Variants in LAMA3 observed in about 807,000 individuals in gnomAD.
LAMA3 encodes the protein laminin subunit alpha-3.
In LAMA3, 281 loss-of-function variants were observed where a neutral mutation model predicts 402.0. The ratio of observed to expected loss-of-function variants is 0.70; its 90% CI spans 0.63 to 0.77. The LOEUF (loss-of-function observed/expected upper bound fraction) is 0.77, where lower values mean the gene tolerates loss of function less well. LAMA3 is among the 30% of genes least tolerant of loss of function. The pLI is 0.00. For missense variants in LAMA3, 3,840 were observed against 4,215.5 expected (o/e 0.91, Z 2.47); for synonymous variants, 1,431 against 1,558.4 (o/e 0.92, Z 1.93).
chr18:23,699,707 A>G (rs2060756442), intron 1 of LAMA3, among the ~76,000 whole-genome samples: 2 of 152,180 alleles, frequency 1.3e-5, no homozygotes, highest in Admixed American at 6.5e-5. Flanking sequence ...GATGACTTAC[A>G]TATCATTAAA....
intron 2 of LAMA3, among the ~76,000 whole-genome samples, chr18:23,737,965 G>GT (rs2061503027): frequency 6.6e-6 from 1 of 152,216 alleles, no homozygotes; most frequent in Non-Finnish European, 1.5e-5. Context: ...TCAGGCTTCA[G>GT]TTTGGGTCAC....
chr18:23,702,989 C>T (rs533133513), intron 1 of LAMA3, among the ~76,000 whole-genome samples: 4 of 152,284 alleles, frequency 2.6e-5, no homozygotes, highest in Admixed American at 6.5e-5. Flanking sequence ...CAAGGGGCCA[C>T]GTCTGGCACA....
chr18:23,694,516 A>T (rs1598590870), intron 1 of LAMA3, among the ~76,000 whole-genome samples: 1 of 152,214 alleles, frequency 6.6e-6, no homozygotes, highest in East Asian at 1.9e-4. Context: ...ACAATTTATG[A>T]ATGTATGAAG....
intron 8 of LAMA3, among the ~76,000 whole-genome samples, chr18:23,769,813 G>A (rs146920672): frequency 2.8e-4 from 43 of 152,206 alleles, no homozygotes; most frequent in Middle Eastern, 3.4e-3. Flanking sequence ...CAATTCAAAG[G>A]CAGAAGCAAT....
chr18:23,864,509 G>A (rs1344340986), intron 35 of LAMA3, among the ~76,000 whole-genome samples: 1 of 152,080 alleles, frequency 6.6e-6, no homozygotes, highest in East Asian at 1.9e-4. Flanking sequence ...TTATAGGCAT[G>A]AGCTACTACA....
At chr18:23,840,381 C>CTTTTTT (rs1303915333) in intron 27 of LAMA3, among the ~76,000 whole-genome samples, 1 of 28,300 alleles carries the variant, frequency 3.5e-5, no homozygotes, top group African/African-American at 1.1e-4. Flanking sequence ...ACCTTTCTTT[C>CTTTTTT]TTTTTTTTTT....
rs2062305508 is a variant in LAMA3, at chr18:23,775,841, C to T, written c.1323C>T (p.Gly441=). The change falls in exon 10 of 75, where the codon GGC becomes GGT. Residue 441 remains glycine (G), a synonymous_variant. Transcript: ENST00000313654. ...EHADGCEQGS[G]RCHCKPNFHG... is the part of the protein sequence containing the mutation. ...CGGATGGCTGTGAACAGGGTTCAGG[C>T]CGCTGTCACTGCAAGCCAAATTTCC... The T allele has an allele frequency of 3.1e-6, 5 of 1,613,858 alleles. No homozygotes were observed.
At chr18:23,712,571 G>T (rs567696422) in intron 1 of LAMA3, among the ~76,000 whole-genome samples, 1 of 150,756 alleles carries the variant, frequency 6.6e-6, no homozygotes, top group Non-Finnish European at 1.5e-5. Flanking sequence ...ACCTCAGGAA[G>T]TGGCGGGGCC....
At chr18:23,864,178 A>G (rs1156591714) in intron 35 of LAMA3, among the ~76,000 whole-genome samples, 1 of 152,044 alleles carries the variant, frequency 6.6e-6, no homozygotes, top group Non-Finnish European at 1.5e-5. Flanking sequence ...AGAAAAAAAA[A>G]GGAACACGAC....
In LAMA3 at chr18:23,817,170, A is replaced by C. The variant is rs575542014; in HGVS notation, c.2147+683A>C. Among the ~76,000 whole-genome samples, 21 of 152,234 alleles carry C rather than the reference A, an allele frequency of 1.4e-4. 1 individual carries two copies. The South Asian group carries it at 3.7e-3, about 27-fold the overall frequency. ...TGACAATGAACTATAGGAGCGAGGG[A>C]ATGAGGTGGAGATTGAGACTGGGGA... On this transcript the variant is annotated intron_variant, in intron 18 of 74. Transcript: ENST00000313654.
intron 2 of LAMA3, among the ~76,000 whole-genome samples, chr18:23,744,698 G>A (rs1197969338): frequency 1.3e-5 from 2 of 151,826 alleles, no homozygotes; most frequent in African/African-American, 2.4e-5. Flanking sequence ...CGGGCGTGGT[G>A]GCAGGTGCCT....
chr18:23,697,745 C>T (rs1160119940), intron 1 of LAMA3, among the ~76,000 whole-genome samples: 2 of 137,518 alleles, frequency 1.5e-5, no homozygotes, highest in African/African-American at 5.6e-5. Context: ...CATTTTTGGC[C>T]TCAAGTATTT....
chr18:23,837,171 G>A (rs758411021), intron 25 of LAMA3, 82 bp downstream of exon 25: 125 of 913,272 alleles, frequency 1.4e-4, no homozygotes, highest in Middle Eastern at 9.7e-4. Context: ...AATTTTGGCT[G>A]GGGTTGTATT....
In LAMA3 at chr18:23,793,885, G is replaced by A. The variant is rs910710907; in HGVS notation, c.1603+9728G>A. On this transcript the variant is annotated intron_variant, in intron 12 of 74. Coordinates refer to ENST00000313654, the MANE Select transcript of LAMA3 (RefSeq NM_198129.4). ...GGGCCTCTGGAACTTCTGACGAAGCGGCTTCAGGTTGGGGTTCCCGCAAAC... is the reference window on the plus strand; with the variant it reads ...GGGCCTCTGGAACTTCTGACGAAGCAGCTTCAGGTTGGGGTTCCCGCAAAC... 2.6e-5 allele frequency among the ~76,000 whole-genome samples: 4 copies of A among 152,208 alleles called. No homozygotes were observed. In the East Asian group the frequency reaches 7.7e-4, roughly 29 times the overall value.
At chr18:23,882,427 C>T (rs946860913) in intron 40 of LAMA3, among the ~76,000 whole-genome samples, 4 of 151,874 alleles carry the variant, frequency 2.6e-5, no homozygotes, top group East Asian at 3.9e-4. Flanking sequence ...GTCAGGAGTT[C>T]GAGACCAGCC....
At chr18:23,693,003 T>C (rs2060620766) in intron 1 of LAMA3, among the ~76,000 whole-genome samples, 1 of 152,194 alleles carries the variant, frequency 6.6e-6, no homozygotes, top group Non-Finnish European at 1.5e-5. Flanking sequence ...TTATTGTTAT[T>C]ATATATGCAT....
At chr18:23,902,164 A>T (rs957944887) in intron 48 of LAMA3, among the ~76,000 whole-genome samples, 4 of 152,126 alleles carry the variant, frequency 2.6e-5, no homozygotes, top group African/African-American at 4.8e-5. Context: ...CTCTACAAAA[A>T]TTTTTTTAAA....
chr18:23,740,170 A>G (rs185517449), intron 2 of LAMA3, among the ~76,000 whole-genome samples: 55 of 152,320 alleles, frequency 3.6e-4, no homozygotes, highest in African/African-American at 9.9e-4. Context: ...GGCAGACCTC[A>G]GTTTATTTAT....
intron 41 of LAMA3, among the ~76,000 whole-genome samples, chr18:23,888,855 G>C (rs1453041157): frequency 6.6e-6 from 1 of 151,690 alleles, no homozygotes; most frequent in Admixed American, 6.6e-5. Context: ...GGGGGTGACT[G>C]GATGGGGAGT....
Sources: gnomAD v4.1 joint callset for allele counts (sites outside exome capture counted in the v4.1 genomes callset) on GRCh38, gnomAD v4.1.1 for gene constraint, MANE v1.5 for transcripts, NCBI Gene and HGNC (gene_info 2026-07-23, HGNC 2026-07-21) for gene names.